NTNG1: variants seen among roughly 807,000 people sequenced by gnomAD.
NTNG1 encodes netrin G1.
Under a neutral mutation model 54.0 loss-of-function variants are expected in NTNG1, and 16 were observed. The observed-to-expected ratio is 0.30, with a 90% confidence interval of 0.20 to 0.45. NTNG1 has a LOEUF of 0.45. Among genes scored for constraint, NTNG1 ranks in the 20% least tolerant of loss-of-function variants. The pLI is 1.00. For missense variants in NTNG1, 530 were observed against 678.7 expected (o/e 0.78, Z 2.43); for synonymous variants, 255 against 263.1 (o/e 0.97, Z 0.30).
At chr1:107,167,378 A>T (rs936469646) in intron 2 of NTNG1, among the ~76,000 whole-genome samples, 2 of 151,898 alleles carry the variant, frequency 1.3e-5, no homozygotes, top group Non-Finnish European at 2.9e-5. Flanking sequence ...ATTCTATATG[A>T]TTTATTATTA....
At chr1:107,145,182 G>A (rs1003018275) in intron 1 of NTNG1, among the ~76,000 whole-genome samples, 1 of 152,076 alleles carries the variant, frequency 6.6e-6, no homozygotes, top group Non-Finnish European at 1.5e-5. Context: ...AAGCACAGCA[G>A]ATAGACACAG....
intron 2 of NTNG1, among the ~76,000 whole-genome samples, chr1:107,244,426 T>C (rs1310689304): frequency 6.6e-6 from 1 of 152,164 alleles, no homozygotes; most frequent in Non-Finnish European, 1.5e-5. Context: ...GTATCCTGTA[T>C]TATGTGCCCG....
At chr1:107,223,371 G>C (rs570857764) in intron 2 of NTNG1, among the ~76,000 whole-genome samples, 8 of 152,190 alleles carry the variant, frequency 5.3e-5, no homozygotes, top group African/African-American at 1.9e-4. Flanking sequence ...GAAGGAGCGA[G>C]TGAGAAATGA....
intron 2 of NTNG1, among the ~76,000 whole-genome samples, chr1:107,175,658 G>T (rs1373894029): frequency 6.6e-6 from 1 of 151,458 alleles, no homozygotes; most frequent in East Asian, 1.9e-4. Flanking sequence ...TGTCTTATAT[G>T]AAAAGCTATT....
intron 2 of NTNG1, among the ~76,000 whole-genome samples, chr1:107,300,550 A>C (rs1247484542): frequency 6.6e-6 from 1 of 152,176 alleles, no homozygotes; most frequent in African/African-American, 2.4e-5. Context: ...TAAGACAGCT[A>C]TTTACTTCAA....
chr1:107,280,034 GGT>G (rs58563513), intron 2 of NTNG1, among the ~76,000 whole-genome samples: 45,924 of 146,354 alleles, frequency 0.31, 7,366 homozygotes, highest in Middle Eastern at 0.43. Context: ...TTCCTTTGTT[GGT>G]GTGTGTGTGT....
chr1:107,277,174 A>C (rs1664535485), intron 2 of NTNG1, among the ~76,000 whole-genome samples: 1 of 152,224 alleles, frequency 6.6e-6, no homozygotes, highest in African/African-American at 2.4e-5. Flanking sequence ...ATCTCTCAGG[A>C]AGTGGCTGCG....
intron 7 of NTNG1, among the ~76,000 whole-genome samples, chr1:107,469,862 C>A (rs574258108): frequency 1.3e-5 from 2 of 151,906 alleles, no homozygotes; most frequent in Admixed American, 6.5e-5. Context: ...CGTACAAGGG[C>A]AGAAATAGTT....
intron 2 of NTNG1, among the ~76,000 whole-genome samples, chr1:107,261,606 G>A (rs1165046635): frequency 6.6e-6 from 1 of 152,254 alleles, no homozygotes; most frequent in East Asian, 1.9e-4. Flanking sequence ...CACTTTGGGA[G>A]GCCGAGGCGG....
At chr1:107,292,462 G>T (rs1186707323) in intron 2 of NTNG1, among the ~76,000 whole-genome samples, 1 of 152,130 alleles carries the variant, frequency 6.6e-6, no homozygotes, top group Non-Finnish European at 1.5e-5. Flanking sequence ...CGATCCTCAC[G>T]TGATGGTCAG....
chr1:107,192,183 T>C (rs1658005299), intron 2 of NTNG1, among the ~76,000 whole-genome samples: 1 of 152,160 alleles, frequency 6.6e-6, no homozygotes, highest in African/African-American at 2.4e-5. Flanking sequence ...TTAATTCTCT[T>C]TGAAGCAATT....
At chr1:107,186,030 C>T (rs1657435804) in intron 2 of NTNG1, among the ~76,000 whole-genome samples, 1 of 152,128 alleles carries the variant, frequency 6.6e-6, no homozygotes, top group Non-Finnish European at 1.5e-5. Flanking sequence ...CACGCCCACC[C>T]TCCCACTCTT....
chr1:107,478,859 C>T (rs1341653451), intron 7 of NTNG1, among the ~76,000 whole-genome samples: 1 of 152,248 alleles, frequency 6.6e-6, no homozygotes, highest in African/African-American at 2.4e-5. Flanking sequence ...GAGCTTTTGT[C>T]AGTTTTGACC....
chr1:107,210,456 T>C (rs1372640431), intron 2 of NTNG1, among the ~76,000 whole-genome samples: 1 of 152,124 alleles, frequency 6.6e-6, no homozygotes, highest in Non-Finnish European at 1.5e-5. Flanking sequence ...CACTCGAGGA[T>C]GAAGGAGCCG....
chr1:107,475,585 A>ACCTCTAATT (rs1485831879), intron 7 of NTNG1, among the ~76,000 whole-genome samples: 1 of 152,154 alleles, frequency 6.6e-6, no homozygotes, highest in Non-Finnish European at 1.5e-5. Flanking sequence ...GTACTTAGTC[A>ACCTCTAATT]CCTCTAATTC....
chr1:107,325,034 C>A, intron 3 of NTNG1, 112 bp downstream of exon 3: 1 of 1,086,934 alleles, frequency 9.2e-7, no homozygotes, highest in Non-Finnish European at 1.3e-6. Flanking sequence ...ACGTTTTCTT[C>A]AGGAACTCCA....
chr1:107,322,722 A>T (rs1460772219), intron 2 of NTNG1, among the ~76,000 whole-genome samples: 1 of 152,072 alleles, frequency 6.6e-6, no homozygotes, highest in African/African-American at 2.4e-5. Flanking sequence ...TGGGATCAGG[A>T]CTAGGGAATT....
intron 4 of NTNG1, among the ~76,000 whole-genome samples, chr1:107,400,065 C>G (rs539583789): frequency 5.2e-4 from 79 of 152,194 alleles, no homozygotes; most frequent in Non-Finnish European, 9.1e-4. Context: ...CGTAATCAAC[C>G]AATTCTAACT....
chr1:107,361,374 C>CAT (rs1553232701), intron 3 of NTNG1, among the ~76,000 whole-genome samples: 4,033 of 87,848 alleles, frequency 0.046, 137 homozygotes, highest in African/African-American at 0.077. Context: ...TATATATATA[C>CAT]ATATATATAT....
Sources: allele counts gnomAD v4.1 joint callset (sites outside exome capture counted in the v4.1 genomes callset), GRCh38; gene constraint gnomAD v4.1.1; transcripts MANE v1.5; gene names NCBI Gene and HGNC (gene_info 2026-07-23, HGNC 2026-07-21).